TNFSF11: variants seen among roughly 807,000 people sequenced by gnomAD.
The protein encoded by TNFSF11 is tumor necrosis factor ligand superfamily member 11.
In TNFSF11, 12 loss-of-function variants were observed where a neutral mutation model predicts 32.2. The observed-to-expected ratio is 0.37, with a 90% confidence interval of 0.24 to 0.60. The LOEUF (loss-of-function observed/expected upper bound fraction) is 0.60, where lower values mean the gene tolerates loss of function less well. TNFSF11 is among the 20% of genes least tolerant of loss of function. TNFSF11 has a pLI of 0.66. For missense variants in TNFSF11, 345 were observed against 398.0 expected (o/e 0.87, Z 1.13); for synonymous variants, 172 against 152.1 (o/e 1.13, Z -0.96).
intron 4 of TNFSF11, among the ~76,000 whole-genome samples, chr13:42,606,185 T>C (rs572823251): frequency 7.2e-5 from 11 of 152,366 alleles, no homozygotes; most frequent in African/African-American, 2.4e-4. Context: ...TGGGAGTTAC[T>C]GAACCTTGCC....
In TNFSF11 at chr13:42,606,967, T is replaced by C; in HGVS notation, c.*49T>C. ...TATTTCCTGGATGTTTGGAAACATT[T>C]TTTAAAACAAGCCAAGAAAGATGTA... On this transcript the variant is annotated 3_prime_UTR_variant, in exon 5 of 5. Transcript: ENST00000398795. 6.2e-7 allele frequency: 1 copy of C among 1,612,558 alleles called. No homozygotes were observed. Among genetic ancestry groups the C allele is most frequent in the Non-Finnish European group, 8.5e-7 (1 of 1,179,342 alleles).
At chr13:42,565,284 T>C (rs7997264) in intron 1 of TNFSF11, among the ~76,000 whole-genome samples, 69,278 of 151,416 alleles carry the variant, frequency 0.46, 16,062 homozygotes, top group African/African-American at 0.48. Flanking sequence ...GTTATGGTAA[T>C]GCCATGGTCT....
At chr13:42,580,920 G>T (rs1016876805) in intron 1 of TNFSF11, among the ~76,000 whole-genome samples, 3 of 152,128 alleles carry the variant, frequency 2.0e-5, no homozygotes, top group Non-Finnish European at 4.4e-5. Context: ...ACTGTGCCTT[G>T]TCCTGTGGAT....
At chr13:42,585,185 A>G (rs1457518978) in intron 2 of TNFSF11, among the ~76,000 whole-genome samples, 1 of 152,196 alleles carries the variant, frequency 6.6e-6, no homozygotes, top group Non-Finnish European at 1.5e-5. Flanking sequence ...CAGATTTCTC[A>G]TTTCTCTTGC....
intron 1 of TNFSF11, among the ~76,000 whole-genome samples, chr13:42,577,693 GTTGT>G (rs1359093914): frequency 2.0e-5 from 3 of 152,026 alleles, no homozygotes; most frequent in Non-Finnish European, 2.9e-5. Flanking sequence ...AACCTCCCTG[GTTGT>G]TTGTTACCCA....
Position 42,574,185 on chromosome 13 carries a change from CG to C in TNFSF11, c.-116del. The C allele has an allele frequency of 7.2e-7, 1 of 1,387,728 alleles. No homozygotes were observed. The allele number at this position is 1,387,728 out of a possible 1,614,324, so 86.0% of individuals were successfully genotyped here. ...GCCCGCGCGCCCCAGGACCCAAAGCCGGGCTCCAAGTCGGCGCCCCACGTCG... is the reference window on the plus strand; with the variant it reads ...GCCCGCGCGCCCCAGGACCCAAAGCCGGCTCCAAGTCGGCGCCCCACGTCG... On this transcript the variant is annotated 5_prime_UTR_variant, in exon 1 of 5. Transcript: ENST00000398795.
intron 1 of TNFSF11, among the ~76,000 whole-genome samples, chr13:42,580,872 T>G (rs1873570437): frequency 6.6e-6 from 1 of 152,216 alleles, no homozygotes; most frequent in East Asian, 1.9e-4. Context: ...ATCACGCACA[T>G]ACACTTCTGT....
intron 1 of TNFSF11, among the ~76,000 whole-genome samples, chr13:42,576,985 C>CT (rs1332248685): frequency 6.6e-6 from 1 of 152,144 alleles, no homozygotes; most frequent in Non-Finnish European, 1.5e-5. Flanking sequence ...TTTGACTTGC[C>CT]GCTGATTTAA....
rs982726281 is a variant in TNFSF11, at chr13:42,574,384, G to A, written c.81G>A (p.Glu27=). 6.5e-7 allele frequency: 1 copy of A among 1,547,334 alleles called. No homozygotes were observed. The highest frequency in any genetic ancestry group is 8.7e-7 in the Non-Finnish European group (1 of 1,148,046). The stretch of plus-strand genomic sequence containing the variant: ...GCGGCGGCCCCGGAGCCCCGCACGA[G>A]GGCCCCCTGCACGCCCCGCCGCCGC... ...EMGGGPGAPH[E]GPLHAPPPPA... Residue 27 remains glutamate (E), a synonymous_variant, in exon 1 of 5, where the codon GAG becomes GAA. Coordinates refer to ENST00000398795, the MANE Select transcript of TNFSF11 (RefSeq NM_003701.4).
At chr13:42,577,371 G>C (rs1183392323) in intron 1 of TNFSF11, among the ~76,000 whole-genome samples, 2 of 152,106 alleles carry the variant, frequency 1.3e-5, no homozygotes, top group African/African-American at 2.4e-5. Flanking sequence ...CATGTGCCTA[G>C]ATGTAAAAAA....
chr13:42,590,717 A>G, intron 2 of TNFSF11, among the ~76,000 whole-genome samples: 1 of 152,264 alleles, frequency 6.6e-6, no homozygotes, highest in East Asian at 1.9e-4. Context: ...AGTATAAGAC[A>G]TTTGAAAATC....
Position 42,600,926 on chromosome 13 carries a change from G to A in TNFSF11, c.477G>A (p.Lys159=). 6.2e-7 allele frequency: 1 copy of A among 1,614,138 alleles called. No individual in the cohort carries two copies. Among genetic ancestry groups the A allele is most frequent in the South Asian group, 1.1e-5 (1 of 91,080 alleles). The part of the protein sequence containing the change: ...GSWLDLAKRS[K]LEAQPFAHLT... ...GGTTAGATCTGGCCAAGAGGAGCAAGCTTGAAGCTCAGCCTTTTGCTCATC... is the reference window on the plus strand; with the variant it reads ...GGTTAGATCTGGCCAAGAGGAGCAAACTTGAAGCTCAGCCTTTTGCTCATC... Residue 159 remains lysine (K), a synonymous_variant, in exon 4 of 5, where the codon AAG becomes AAA. Transcript: ENST00000398795.
intron 2 of TNFSF11, among the ~76,000 whole-genome samples, chr13:42,582,418 G>A (rs1429975617): frequency 2.0e-5 from 3 of 152,070 alleles, no homozygotes; most frequent in East Asian, 3.9e-4. Flanking sequence ...GTATTTTATC[G>A]AATCTAAGTT....
chr13:42,584,046 C>T (rs924335092), intron 2 of TNFSF11, among the ~76,000 whole-genome samples: 1 of 152,014 alleles, frequency 6.6e-6, no homozygotes, highest in African/African-American at 2.4e-5. Flanking sequence ...TTTTTAAATG[C>T]TCTAAAAATA....
In TNFSF11 at chr13:42,600,948, C is replaced by T. The variant is rs1443523720; in HGVS notation, c.499C>T (p.His167Tyr). ...CAAGCTTGAAGCTCAGCCTTTTGCTCATCTCACTATTAATGCCACCGACAT... is the reference window on the plus strand; with the variant it reads ...CAAGCTTGAAGCTCAGCCTTTTGCTTATCTCACTATTAATGCCACCGACAT... ...RSKLEAQPFA[H>Y]LTINATDIPS... The change falls in exon 4 of 5, where the codon CAT becomes TAT. Residue 167 changes from histidine (H) to tyrosine (Y), a missense_variant. Physicochemically the swap from His to Tyr is moderately conservative, Grantham distance 83. Transcript: ENST00000398795. The T allele has an allele frequency of 6.2e-7, 1 of 1,614,002 alleles. No homozygotes were observed. Among genetic ancestry groups the T allele is most frequent in the African/African-American group, 1.3e-5 (1 of 74,914 alleles).
chr13:42,598,591 G>C (rs748698441), intron 2 of TNFSF11, among the ~76,000 whole-genome samples: 1 of 152,062 alleles, frequency 6.6e-6, no homozygotes, highest in South Asian at 2.1e-4. Flanking sequence ...CCACACTTCC[G>C]CAGCACTTGG....
Position 42,574,152 on chromosome 13 carries a change from G to C in TNFSF11, c.-152G>C. 9.7e-7 allele frequency: 1 copy of C among 1,035,450 alleles called. No homozygotes were observed. Among genetic ancestry groups the C allele is most frequent in the Non-Finnish European group, 1.4e-6 (1 of 707,676 alleles). The allele number at this position is 1,035,450 out of a possible 1,614,324, so 64.1% of individuals were successfully genotyped here. A position where few individuals can be genotyped will look rare whatever the true frequency, so the allele number is the denominator to read the frequency against. ...AAGAGTTGGGGCTGCCGGGCGCCCT[G>C]CCCGCTCGCCCGCGCGCCCCAGGAC... is the stretch of plus-strand genomic sequence containing the variant. On this transcript the variant is annotated 5_prime_UTR_variant, in exon 1 of 5. Coordinates refer to ENST00000398795, the MANE Select transcript of TNFSF11 (RefSeq NM_003701.4).
intron 2 of TNFSF11, among the ~76,000 whole-genome samples, chr13:42,588,470 A>G (rs1209485356): frequency 1.3e-5 from 2 of 152,348 alleles, no homozygotes; most frequent in East Asian, 3.9e-4. Context: ...AGCCTTCATT[A>G]TGTGGCCTGG....
At chr13:42,605,150 G>A (rs1382361780) in intron 4 of TNFSF11, among the ~76,000 whole-genome samples, 1 of 152,160 alleles carries the variant, frequency 6.6e-6, no homozygotes, top group Non-Finnish European at 1.5e-5. Context: ...AGTTTTGATG[G>A]ATCTCTGGAA....
Sources: gnomAD v4.1 joint callset for allele counts (sites outside exome capture counted in the v4.1 genomes callset) on GRCh38, gnomAD v4.1.1 for gene constraint, MANE v1.5 for transcripts, NCBI Gene and HGNC (gene_info 2026-07-23, HGNC 2026-07-21) for gene names.